Variants in GSE1 observed in about 807,000 individuals in gnomAD.
The protein encoded by GSE1 is genetic suppressor element 1.
GSE1 carries 32 observed loss-of-function variants against 112.6 expected under a neutral mutation model. That is an observed-to-expected ratio of 0.28 (90% CI 0.21 to 0.38). GSE1 has a LOEUF of 0.38. Ranked by LOEUF, GSE1 falls within the 10% of genes least tolerant of loss-of-function variation. The pLI, the probability that GSE1 is intolerant of heterozygous loss-of-function variation, is 1.00. For synonymous variants in GSE1, 1,115 were observed against 735.6 expected, an observed-to-expected ratio of 1.52 and a Z score of -8.35; for missense variants, 2,348 against 1,699.2, an observed-to-expected ratio of 1.38 and a Z score of -6.71.
chr16:85,576,060 C>G (rs1303228895), intron 1 of GSE1, among the ~76,000 whole-genome samples: 4 of 152,114 alleles, frequency 2.6e-5, no homozygotes, highest in Non-Finnish European at 5.9e-5. Context: ...ACATTCTGTG[C>G]CAGGCCAGAG....
chr16:85,567,280 G>A (rs2045798243), intron 1 of GSE1, among the ~76,000 whole-genome samples: 1 of 152,154 alleles, frequency 6.6e-6, no homozygotes, highest in African/African-American at 2.4e-5. Context: ...GCAAGTGTGT[G>A]GTCATAAAAC....
chr16:85,470,159 A>T (rs2050242589), intron 2 of GSE1, among the ~76,000 whole-genome samples: 1 of 152,250 alleles, frequency 6.6e-6, no homozygotes, highest in Admixed American at 6.5e-5. Flanking sequence ...GAAAGTCGGC[A>T]GCTCGAGCCA....
At chr16:85,629,036 T>C (rs763163382) in intron 1 of GSE1, among the ~76,000 whole-genome samples, 1 of 152,186 alleles carries the variant, frequency 6.6e-6, no homozygotes, top group Non-Finnish European at 1.5e-5. Flanking sequence ...TCGCAAGATC[T>C]GGGTGTTTAA....
At chr16:85,422,258 A>G (rs2048862637) in intron 2 of GSE1, among the ~76,000 whole-genome samples, 1 of 152,136 alleles carries the variant, frequency 6.6e-6, no homozygotes, top group Admixed American at 6.5e-5. Context: ...CATTATCGGC[A>G]TGAATAAAAG....
At chr16:85,585,362 G>T (rs542904603) in intron 1 of GSE1, among the ~76,000 whole-genome samples, 1 of 152,176 alleles carries the variant, frequency 6.6e-6, no homozygotes, top group Admixed American at 6.5e-5. Flanking sequence ...CCTTTTTGGC[G>T]GTTCTTCTGT....
At chr16:85,510,863 C>T (rs780649590) in intron 2 of GSE1, among the ~76,000 whole-genome samples, 3 of 152,198 alleles carry the variant, frequency 2.0e-5, no homozygotes, top group Non-Finnish European at 4.4e-5. Context: ...TTCCCTGAAG[C>T]GCTGTTCCCA....
At chr16:85,417,465 T>A (rs1434265950) in intron 2 of GSE1, among the ~76,000 whole-genome samples, 1 of 152,184 alleles carries the variant, frequency 6.6e-6, no homozygotes, top group African/African-American at 2.4e-5. Flanking sequence ...GCACACGGTT[T>A]CGGACTCCCT....
chr16:85,183,326 G>T (rs916928145), intron 1 of GSE1, among the ~76,000 whole-genome samples: 1 of 152,248 alleles, frequency 6.6e-6, no homozygotes. Flanking sequence ...CTGTGCCACT[G>T]TTTCCTCTTG....
intron 1 of GSE1, among the ~76,000 whole-genome samples, chr16:85,247,159 G>T (rs1193646458): frequency 2.0e-5 from 3 of 152,110 alleles, no homozygotes; most frequent in South Asian, 2.1e-4. Context: ...CTCATCTGTG[G>T]TTTCTCTGGT....
At chr16:85,370,659 C>A (rs2047278641) in intron 2 of GSE1, among the ~76,000 whole-genome samples, 1 of 151,620 alleles carries the variant, frequency 6.6e-6, no homozygotes, top group Non-Finnish European at 1.5e-5. Flanking sequence ...CTCCCTCCCT[C>A]CCATGGGGAC....
At chr16:85,208,933 G>T (rs888795292) in intron 1 of GSE1, among the ~76,000 whole-genome samples, 19 of 149,806 alleles carry the variant, frequency 1.3e-4, no homozygotes, top group African/African-American at 1.7e-4. Flanking sequence ...GGGTTCGCCT[G>T]TGTTGGGGTT....
rs560212831 is a variant in GSE1, at chr16:85,181,958, C to T, written c.2283+10151C>T. Reference sequence around the variant, plus strand: ...CCAGGCGTGCCCTTGCCCTTTGAGACGGACCGTCTCACGGCTGTACACTGT... The same window carrying T: ...CCAGGCGTGCCCTTGCCCTTTGAGATGGACCGTCTCACGGCTGTACACTGT... On this transcript the variant is annotated intron_variant, in intron 1 of 2. Transcript: ENST00000637419. Among the ~76,000 whole-genome samples, 53 of 152,324 alleles carry T rather than the reference C, an allele frequency of 3.5e-4. No homozygotes were observed. The East Asian group carries it at 4.6e-3, about 13-fold the overall frequency.
intron 2 of GSE1, among the ~76,000 whole-genome samples, chr16:85,403,912 C>T (rs1355454638): frequency 6.6e-6 from 1 of 152,182 alleles, no homozygotes; most frequent in Admixed American, 6.5e-5. Context: ...TGCTGGGAGG[C>T]CCCTTACTGC....
rs1046544223 is a variant in GSE1, at chr16:85,467,479, C to T, written c.2464+109836C>T. 5.3e-5 allele frequency among the ~76,000 whole-genome samples: 8 copies of T among 152,230 alleles called. No homozygotes were observed. In the South Asian group the frequency reaches 6.2e-4, roughly 12 times the overall value. ...TGGGATCTCATGTTGTTGTATTAGA[C>T]GGGGGCTGGGTTGGGGAGCATCTTG... On this transcript the variant is annotated intron_variant, in intron 2 of 2. Coordinates refer to the GSE1 transcript ENST00000637419.
chr16:85,327,778 C>T (rs985595485), intron 1 of GSE1, among the ~76,000 whole-genome samples: 9 of 152,196 alleles, frequency 5.9e-5, no homozygotes, highest in African/African-American at 2.2e-4. Context: ...TGACCCTTTC[C>T]ACATGCCCAT....
At chr16:85,451,183 A>G (rs1214900059) in intron 2 of GSE1, among the ~76,000 whole-genome samples, 1 of 152,016 alleles carries the variant, frequency 6.6e-6, no homozygotes, top group Admixed American at 6.6e-5. Context: ...ACAATCATAT[A>G]CAGCAAAACC....
intron 1 of GSE1, chr16:85,306,083 C>T (rs1471560490): frequency 6.5e-6 from 1 of 153,708 alleles, no homozygotes; most frequent in Non-Finnish European, 1.5e-5. Context: ...AGAGTGAGAC[C>T]CTGTCTGAAA....
intron 2 of GSE1, among the ~76,000 whole-genome samples, chr16:85,645,488 C>T (rs1226865894): frequency 6.6e-6 from 1 of 152,118 alleles, no homozygotes; most frequent in Non-Finnish European, 1.5e-5. Flanking sequence ...ACGGACTTGC[C>T]CTCGGGACAG....
chr16:85,345,494 T>C (rs1216227642), intron 1 of GSE1, among the ~76,000 whole-genome samples: 1 of 152,228 alleles, frequency 6.6e-6, no homozygotes, highest in African/African-American at 2.4e-5. Flanking sequence ...AGGAACACTC[T>C]TCCCCAGCTA....
Sources: allele counts gnomAD v4.1 joint callset (sites outside exome capture counted in the v4.1 genomes callset), GRCh38; gene constraint gnomAD v4.1.1; transcripts MANE v1.5; gene names NCBI Gene and HGNC (gene_info 2026-07-23, HGNC 2026-07-21).